The following METTL15 variants were observed in gnomAD, a reference collection of about 807,000 sequenced individuals.
METTL15 encodes 12S rRNA N(4)-cytidine methyltransferase METTL15.
A neutral mutation model predicts 38.3 loss-of-function variants in METTL15; 34 were observed. The observed-to-expected ratio is 0.89, with a 90% CI of 0.68 to 1.18. The LOEUF (loss-of-function observed/expected upper bound fraction) is 1.18, where lower values mean the gene tolerates loss of function less well. Ranked by LOEUF, METTL15 falls within the 50% of genes most tolerant of loss-of-function variation. METTL15 has a pLI of 0.00. For missense variants in METTL15, 438 were observed against 498.4 expected (o/e 0.88, Z 1.15); for synonymous variants, 162 against 170.9 (o/e 0.95, Z 0.41).
At chr11:28,202,530 C>A (rs1852155933) in intron 3 of METTL15, among the ~76,000 whole-genome samples, 1 of 151,684 alleles carries the variant, frequency 6.6e-6, no homozygotes, top group Non-Finnish European at 1.5e-5. Flanking sequence ...TAATATCTAC[C>A]TGTTATCATC....
At chr11:28,405,599 C>T (rs55708611) in intron 5 of METTL15, among the ~76,000 whole-genome samples, 13,471 of 152,116 alleles carry the variant, frequency 0.089, 872 homozygotes, top group Non-Finnish European at 0.13. Flanking sequence ...GAGAACATTA[C>T]GGGCTCTGGG....
intron 6 of METTL15, among the ~76,000 whole-genome samples, chr11:28,312,610 A>G (rs1474304447): frequency 1.3e-5 from 2 of 152,208 alleles, no homozygotes; most frequent in African/African-American, 4.8e-5. Context: ...CTATAACAGA[A>G]TACCTGATGC....
At chr11:28,403,320 T>G (rs868096846) in intron 5 of METTL15, among the ~76,000 whole-genome samples, 3 of 152,158 alleles carry the variant, frequency 2.0e-5, no homozygotes, top group Middle Eastern at 6.8e-3. Context: ...TGCTCCAGGA[T>G]AAGTTACCTA....
intron 6 of METTL15, among the ~76,000 whole-genome samples, chr11:28,466,096 T>A (rs1316577773): frequency 2.6e-5 from 4 of 152,142 alleles, no homozygotes; most frequent in Non-Finnish European, 5.9e-5. Context: ...AACTCAAGAA[T>A]ATGAATTTGG....
At chr11:28,376,244 T>G (rs1051183201) in intron 5 of METTL15, among the ~76,000 whole-genome samples, 1 of 152,164 alleles carries the variant, frequency 6.6e-6, no homozygotes, top group Non-Finnish European at 1.5e-5. Flanking sequence ...GTCTCGTTGG[T>G]CTGTCTAATG....
rs182623917 is a variant in METTL15, at chr11:28,261,915, G to C, written c.408-28291G>C. Among the ~76,000 whole-genome samples, 340 of 152,196 alleles carry C rather than the reference G, an allele frequency of 2.2e-3. 4 individuals carry two copies. The highest frequency in any genetic ancestry group is 7.9e-3 in the African/African-American group (330 of 41,522). On this transcript the variant is annotated intron_variant, in intron 4 of 6. Coordinates refer to ENST00000407364, the MANE Select transcript of METTL15 (RefSeq NM_001113528.2). Reference sequence around the variant, plus strand: ...ACTAACCACATAGACCACTATTGCTGTCTATGTTTTTGTAGATGAAGAAAC... The same window carrying C: ...ACTAACCACATAGACCACTATTGCTCTCTATGTTTTTGTAGATGAAGAAAC...
At chr11:28,277,953 G>C (rs78007698) in intron 4 of METTL15, among the ~76,000 whole-genome samples, 110 of 152,196 alleles carry the variant, frequency 7.2e-4, no homozygotes, top group Middle Eastern at 6.8e-3. Flanking sequence ...CAAACATATA[G>C]TTGGAAGGAA....
intron 6 of METTL15, among the ~76,000 whole-genome samples, chr11:28,494,534 C>G (rs763425769): frequency 6.6e-6 from 1 of 152,122 alleles, no homozygotes; most frequent in Non-Finnish European, 1.5e-5. Context: ...GCTTTATCAT[C>G]TTATCTCAGA....
chr11:28,200,098 G>T (rs1852054343), intron 3 of METTL15, among the ~76,000 whole-genome samples: 2 of 152,028 alleles, frequency 1.3e-5, no homozygotes, highest in African/African-American at 4.8e-5. Context: ...TATCCAAATG[G>T]CATGCTTTGT....
chr11:28,449,095 A>G (rs947031052), intron 6 of METTL15, among the ~76,000 whole-genome samples: 1 of 152,132 alleles, frequency 6.6e-6, no homozygotes, highest in East Asian at 1.9e-4. Context: ...TCTTTCTTCT[A>G]TGTGGTTTCT....
intron 6 of METTL15, among the ~76,000 whole-genome samples, chr11:28,524,498 A>C (rs1017240817): frequency 6.6e-6 from 1 of 152,224 alleles, no homozygotes; most frequent in African/African-American, 2.4e-5. Context: ...TTAAAAGCCT[A>C]CCAAGGAGCC....
chr11:28,135,922 T>G (rs1396225233), intron 3 of METTL15, among the ~76,000 whole-genome samples: 1 of 152,228 alleles, frequency 6.6e-6, no homozygotes, highest in Non-Finnish European at 1.5e-5. Context: ...CAGTCCATTC[T>G]GTTAACTCTT....
chr11:28,296,895 A>G lies in METTL15; in HGVS notation c.742A>G (p.Ile248Val). 6.2e-7 allele frequency: 1 copy of G among 1,613,602 alleles called. No individual in the cohort carries two copies. The highest frequency in any genetic ancestry group is 8.5e-7 in the Non-Finnish European group (1 of 1,179,684). ...AIVQARSIYP[I>V]TRTQQLASIV... ...TGTTCAGGCACGCAGCATCTACCCC[A>G]TCACCAGAACCCAGCAGCTTGCCAG... Residue 248 changes from isoleucine (I) to valine (V), a missense_variant, in exon 6 of 7, where the codon ATC (isoleucine) becomes GTC (valine). By Grantham distance (29) the Ile-to-Val change is conservative. Transcript: ENST00000407364.
At chr11:28,240,597 G>C (rs1269699374) in intron 4 of METTL15, among the ~76,000 whole-genome samples, 1 of 152,112 alleles carries the variant, frequency 6.6e-6, no homozygotes, top group East Asian at 1.9e-4. Context: ...GTTCTACTAG[G>C]ATTAAAATCT....
At chr11:28,350,077 T>C (rs940453067) in intron 3 of METTL15, among the ~76,000 whole-genome samples, 8 of 152,326 alleles carry the variant, frequency 5.3e-5, no homozygotes, top group Middle Eastern at 3.4e-3. Flanking sequence ...TCCTCTCTAC[T>C]CTTTCCATAT....
chr11:28,410,295 C>A (rs1429903306), intron 5 of METTL15, among the ~76,000 whole-genome samples: 1 of 152,056 alleles, frequency 6.6e-6, no homozygotes, highest in Non-Finnish European at 1.5e-5. Flanking sequence ...CACCTTGATA[C>A]CTAAGCTAGA....
chr11:28,350,965 T>TATATC (rs1356987052), intron 3 of METTL15, among the ~76,000 whole-genome samples: 9 of 152,194 alleles, frequency 5.9e-5, no homozygotes. Flanking sequence ...TCTCCCATAT[T>TATATC]GTACCTGGAT....
chr11:28,470,427 C>T (rs1040722124), intron 6 of METTL15, among the ~76,000 whole-genome samples: 1 of 152,102 alleles, frequency 6.6e-6, no homozygotes, highest in African/African-American at 2.4e-5. Context: ...CTTTTATGTC[C>T]TGCCCTTAAA....
At chr11:28,289,708 A>G (rs1839079357) in intron 4 of METTL15, among the ~76,000 whole-genome samples, 1 of 152,176 alleles carries the variant, frequency 6.6e-6, no homozygotes, top group Non-Finnish European at 1.5e-5. Context: ...CCTCAAGTTT[A>G]TAGCTGCATA....
Sources: gnomAD v4.1 joint callset for allele counts (sites outside exome capture counted in the v4.1 genomes callset) on GRCh38, gnomAD v4.1.1 for gene constraint, MANE v1.5 for transcripts, NCBI Gene and HGNC (gene_info 2026-07-23, HGNC 2026-07-21) for gene names.